The following TRDMT1 variants were observed in gnomAD, a reference collection of about 807,000 sequenced individuals.
TRDMT1 encodes tRNA (cytosine(38)-C(5))-methyltransferase.
Under a neutral mutation model 51.2 loss-of-function variants are expected in TRDMT1, and 49 were observed. That is an observed-to-expected ratio of 0.96 (90% CI 0.76 to 1.21). TRDMT1 has a LOEUF of 1.21. Ranked by LOEUF, TRDMT1 falls within the 50% of genes most tolerant of loss-of-function variation. TRDMT1 has a pLI of 0.00. For synonymous variants in TRDMT1, 187 were observed against 164.6 expected, an observed-to-expected ratio of 1.14 and a Z score of -1.04; for missense variants, 534 against 462.3, an observed-to-expected ratio of 1.16 and a Z score of -1.42.
chr10:17,187,433 T>C (rs1437594179), intron 1 of TRDMT1, among the ~76,000 whole-genome samples: 1 of 152,174 alleles, frequency 6.6e-6, no homozygotes. Context: ...AAAAAAATAA[T>C]TTGACAATCA....
intron 1 of TRDMT1, among the ~76,000 whole-genome samples, chr10:17,176,374 CT>C (rs1443311022): frequency 6.6e-6 from 1 of 152,104 alleles, no homozygotes; most frequent in African/African-American, 2.4e-5. Context: ...TGTGCTGAAT[CT>C]GCACTGTAAT....
intron 1 of TRDMT1, among the ~76,000 whole-genome samples, chr10:17,191,652 T>C (rs1292374130): frequency 6.6e-6 from 1 of 152,066 alleles, no homozygotes; most frequent in Non-Finnish European, 1.5e-5. Flanking sequence ...GATGATGAGA[T>C]GCCCTGCAGT....
chr10:17,190,463 T>G (rs1179531930), intron 1 of TRDMT1, among the ~76,000 whole-genome samples: 1 of 151,616 alleles, frequency 6.6e-6, no homozygotes, highest in African/African-American at 2.4e-5. Flanking sequence ...TTAAACTTAA[T>G]TATTTTGGCC....
At chr10:17,176,792 C>T (rs1459025127) in intron 1 of TRDMT1, among the ~76,000 whole-genome samples, 1 of 152,130 alleles carries the variant, frequency 6.6e-6, no homozygotes, top group East Asian at 1.9e-4. Flanking sequence ...ATTCCAAAGA[C>T]TAGTTGCCTT....
rs201181750 is a variant in TRDMT1, at chr10:17,157,458, G to A, written c.870C>T (p.Ser290=). Residue 290 remains serine, a synonymous_variant, in exon 8 of 11, where the codon TCC becomes TCT. Transcript: ENST00000377799. ...LDIVQPTCRR[S]VCFTKGYGSY... ...AAACCTACCCTTTGGTAAAGCACAC[G>A]GACCTTCTACAAGTGGGCTGAACAA... is the stretch of plus-strand genomic sequence containing the variant. 6.8e-5 allele frequency: 109 copies of A among 1,607,048 alleles called. No homozygotes were observed. Among genetic ancestry groups the A allele is most frequent in the Non-Finnish European group, 8.3e-5 (97 of 1,174,264 alleles).
At chr10:17,194,012 C>T (rs929119546) in intron 1 of TRDMT1, among the ~76,000 whole-genome samples, 16 of 152,096 alleles carry the variant, frequency 1.1e-4, no homozygotes, top group Admixed American at 2.0e-4. Flanking sequence ...AGGCACACAC[C>T]TACAGTCATC....
chr10:17,187,940 G>C (rs1260387685), intron 1 of TRDMT1, among the ~76,000 whole-genome samples: 1 of 152,084 alleles, frequency 6.6e-6, no homozygotes, highest in African/African-American at 2.4e-5. Flanking sequence ...AGCCAAAATA[G>C]TCAAATGACT....
intron 2 of TRDMT1, 74 bp from the exon 3 acceptor site, chr10:17,168,991 CTA>C: frequency 1.1e-6 from 1 of 944,324 alleles, no homozygotes; most frequent in Non-Finnish European, 1.6e-6. Context: ...AAAATACTAA[CTA>C]TAATTAAATA....
At chr10:17,150,505 C>A (rs1003992218) in intron 10 of TRDMT1, 51 of 985,166 alleles carry the variant, frequency 5.2e-5, no homozygotes, top group Non-Finnish European at 6.0e-5. Flanking sequence ...GAAGGCCTTG[C>A]AAATATCAGC....
At chr10:17,199,240 T>C (rs1845838063) in intron 1 of TRDMT1, among the ~76,000 whole-genome samples, 1 of 152,168 alleles carries the variant, frequency 6.6e-6, no homozygotes, top group South Asian at 2.1e-4. Flanking sequence ...TAAGAGTCTA[T>C]ATCCCTAATA....
At chr10:17,165,333 C>T (rs974230173) in intron 3 of TRDMT1, among the ~76,000 whole-genome samples, 1 of 152,204 alleles carries the variant, frequency 6.6e-6, no homozygotes, top group Admixed American at 6.5e-5. Flanking sequence ...AAAGCTGAAA[C>T]TGGATCCCTT....
intron 3 of TRDMT1, among the ~76,000 whole-genome samples, chr10:17,162,539 T>C (rs1049314146): frequency 6.6e-6 from 1 of 152,118 alleles, no homozygotes; most frequent in African/African-American, 2.4e-5. Context: ...AAACCCTGTC[T>C]CTACTAAAAA....
chr10:17,146,576 T>A lies in TRDMT1; in HGVS notation c.*2464A>T. 1.0e-6 allele frequency: 1 copy of A among 985,244 alleles called. No homozygotes were observed. The highest frequency in any genetic ancestry group is 1.2e-6 in the Non-Finnish European group (1 of 829,760). The allele number at this position is 985,244 out of a possible 1,614,324, so 61.0% of individuals were successfully genotyped here. On this transcript the variant is annotated 3_prime_UTR_variant, in exon 11 of 11. Transcript: ENST00000377799. ...AATATGAAGCAGGGTAATAAATACCTTACAATTATCTGGCAAGCCGTTTAA... is the reference window on the plus strand; with the variant it reads ...AATATGAAGCAGGGTAATAAATACCATACAATTATCTGGCAAGCCGTTTAA...
At position 17,147,450 on chromosome 10, in the gene TRDMT1, G is replaced by T; in HGVS notation, c.*1590C>A. The T allele has an allele frequency of 1.5e-6, 1 of 662,828 alleles. No homozygotes were observed. Among genetic ancestry groups the T allele is most frequent in the Non-Finnish European group, 1.9e-6 (1 of 535,566 alleles). 41.1% of individuals were successfully genotyped at this position (662,828 alleles called of 1,614,324 possible). A position where few individuals can be genotyped will look rare whatever the true frequency, so the allele number is the denominator to read the frequency against. On this transcript the variant is annotated 3_prime_UTR_variant, in exon 11 of 11. Coordinates refer to ENST00000377799, the MANE Select transcript of TRDMT1 (RefSeq NM_004412.7). Reference sequence around the variant, plus strand: ...AACTATTTTTAAATATACAGTTGCAGTGGCATTAAGTACACTCACACTGTT... The same window carrying T: ...AACTATTTTTAAATATACAGTTGCATTGGCATTAAGTACACTCACACTGTT...
At position 17,145,402 on chromosome 10, in the gene TRDMT1, AT is replaced by A. The variant is rs2131357338; in HGVS notation, c.*3637del. On this transcript the variant is annotated 3_prime_UTR_variant, in exon 11 of 11. Coordinates refer to ENST00000377799, the MANE Select transcript of TRDMT1 (RefSeq NM_004412.7). ...TGATAGTTGTATATAGCACATTTGA[AT>A]GGTAGATGGAAGAGATTAACTAGTA... The A allele has an allele frequency of 1.0e-6, 1 of 985,404 alleles. No homozygotes were observed. The highest frequency in any genetic ancestry group is 1.2e-6 in the Non-Finnish European group (1 of 829,918). 61.0% of individuals were successfully genotyped at this position (985,404 alleles called of 1,614,324 possible).
At chr10:17,167,373 G>A (rs1242512483) in intron 3 of TRDMT1, among the ~76,000 whole-genome samples, 1 of 152,102 alleles carries the variant, frequency 6.6e-6, no homozygotes, top group East Asian at 1.9e-4. Flanking sequence ...TTCTTTAATT[G>A]TATATCCTTG....
intron 1 of TRDMT1, among the ~76,000 whole-genome samples, chr10:17,195,798 GAAGAA>G (rs1466341726): frequency 6.6e-6 from 1 of 152,010 alleles, no homozygotes; most frequent in East Asian, 1.9e-4. Flanking sequence ...AGCTGCCAGA[GAAGAA>G]ATGATAAATT....
In TRDMT1 at chr10:17,141,550, T is replaced by C. The variant is rs888819285; in HGVS notation, c.*7490A>G. ...GCTCCATTTTTTTCCCCTCTACTTC[T>C]GGCACCCCAAACATATAAATGTTGG... On this transcript the variant is annotated 3_prime_UTR_variant, in exon 11 of 11. Transcript: ENST00000377799. 5.9e-5 allele frequency among the ~76,000 whole-genome samples: 9 copies of C among 152,150 alleles called. No individual in the cohort carries two copies. Among genetic ancestry groups the C allele is most frequent in the Non-Finnish European group, 2.9e-5 (2 of 68,032 alleles).
chr10:17,158,653 T>C (rs866566543), intron 7 of TRDMT1, among the ~76,000 whole-genome samples: 18 of 152,268 alleles, frequency 1.2e-4, no homozygotes, highest in Middle Eastern at 3.4e-3. Flanking sequence ...CTGTAGCAAT[T>C]AAGCATTTTA....
Sources: gnomAD v4.1 joint callset for allele counts (sites outside exome capture counted in the v4.1 genomes callset) on GRCh38, gnomAD v4.1.1 for gene constraint, MANE v1.5 for transcripts, NCBI Gene and HGNC (gene_info 2026-07-23, HGNC 2026-07-21) for gene names.